Variants in MCPH1 observed in about 807,000 individuals in gnomAD.
The protein encoded by MCPH1 is microcephalin 1.
In MCPH1, 104 loss-of-function variants were observed where a neutral mutation model predicts 84.5. That is an observed-to-expected ratio of 1.23 (90% confidence interval 1.05 to 1.45). The LOEUF (loss-of-function observed/expected upper bound fraction) is 1.45. Among genes scored for constraint, MCPH1 ranks in the 40% most tolerant of loss-of-function variants. The probability of loss-of-function intolerance (pLI) is 0.00; values close to 1 mark genes in which losing one functional copy is unlikely to be tolerated. For synonymous variants in MCPH1, 514 were observed against 366.8 expected, an observed-to-expected ratio of 1.40 and a Z score of -4.58; for missense variants, 1,498 against 1,005.7, an observed-to-expected ratio of 1.49 and a Z score of -6.62.
At chr8:6,632,955 T>C (rs1489378410) in intron 13 of MCPH1, among the ~76,000 whole-genome samples, 2 of 152,220 alleles carry the variant, frequency 1.3e-5, no homozygotes, top group African/African-American at 2.4e-5. Flanking sequence ...GTCTTCTTTT[T>C]TCTAATCCAT....
chr8:6,505,205 T>C (rs1476396897), intron 12 of MCPH1, among the ~76,000 whole-genome samples: 1 of 110,698 alleles, frequency 9.0e-6, no homozygotes, highest in African/African-American at 3.7e-5. Context: ...TATGTATATA[T>C]AGAATATATA....
intron 12 of MCPH1, among the ~76,000 whole-genome samples, chr8:6,548,167 C>T (rs1318970842): frequency 6.6e-6 from 1 of 152,164 alleles, no homozygotes; most frequent in African/African-American, 2.4e-5. Context: ...TCTTGGCCTT[C>T]TCCTGGAGTG....
chr8:6,408,954 C>G (rs1041105911), intron 1 of MCPH1, among the ~76,000 whole-genome samples: 2 of 151,606 alleles, frequency 1.3e-5, no homozygotes, highest in African/African-American at 2.4e-5. Flanking sequence ...GGCGCAATCT[C>G]GGCTCACTGC....
chr8:6,445,835 A>G, intron 8 of MCPH1: 5 of 1,132,064 alleles, frequency 4.4e-6, no homozygotes, highest in Non-Finnish European at 5.4e-6. Context: ...TGAATAACTG[A>G]GGGGAGTGAA....
intron 12 of MCPH1, chr8:6,503,107 A>G (rs1049510866): frequency 3.1e-6 from 5 of 1,614,174 alleles, no homozygotes; most frequent in Admixed American, 1.7e-5. Context: ...ATGTTTAGAA[A>G]TCTGCTGGTC....
chr8:6,544,933 G>T (rs749318346), intron 12 of MCPH1, among the ~76,000 whole-genome samples: 6 of 152,180 alleles, frequency 3.9e-5, no homozygotes, highest in Non-Finnish European at 5.9e-5. Context: ...TTCTCACAAT[G>T]GAATTATTAT....
intron 12 of MCPH1, among the ~76,000 whole-genome samples, chr8:6,534,162 T>C (rs1156355763): frequency 6.6e-6 from 1 of 152,008 alleles, no homozygotes; most frequent in Non-Finnish European, 1.5e-5. Flanking sequence ...CCTCCATCTG[T>C]GGCCTCCACA....
At chr8:6,625,278 G>A in intron 13 of MCPH1, 4 of 985,376 alleles carry the variant, frequency 4.1e-6, no homozygotes, top group Non-Finnish European at 4.8e-6. Flanking sequence ...GAAACACAGA[G>A]AGCGCAAATG....
At chr8:6,540,286 G>A (rs887020687) in intron 12 of MCPH1, among the ~76,000 whole-genome samples, 6 of 152,186 alleles carry the variant, frequency 3.9e-5, no homozygotes, top group Non-Finnish European at 4.4e-5. Flanking sequence ...ATAAGGAAAT[G>A]TGCTTTTCCC....
intron 12 of MCPH1, among the ~76,000 whole-genome samples, chr8:6,593,888 A>T (rs558707513): frequency 6.6e-6 from 1 of 152,178 alleles, no homozygotes; most frequent in East Asian, 1.9e-4. Context: ...CTTCCTTCTT[A>T]TGCAAAAGTG....
intron 12 of MCPH1, among the ~76,000 whole-genome samples, chr8:6,584,078 C>A (rs970304526): frequency 1.3e-5 from 2 of 152,160 alleles, no homozygotes; most frequent in African/African-American, 4.8e-5. Context: ...CCTTCATCAT[C>A]TTCCAACATT....
At chr8:6,509,199 A>G (rs1372830388) in intron 12 of MCPH1, 1 of 1,153,782 alleles carries the variant, frequency 8.7e-7, no homozygotes, top group African/African-American at 1.6e-5. Flanking sequence ...TACTCTGGAC[A>G]AAATATTTTG....
At chr8:6,539,011 C>G (rs971052270) in intron 12 of MCPH1, among the ~76,000 whole-genome samples, 4 of 144,460 alleles carry the variant, frequency 2.8e-5, no homozygotes, top group East Asian at 2.0e-4. Flanking sequence ...TCTCCTCCCC[C>G]TCCTTTTAGA....
intron 7 of MCPH1, 128 bp from the exon 8 acceptor site, chr8:6,444,265 C>G: frequency 3.8e-6 from 4 of 1,065,204 alleles, no homozygotes; most frequent in South Asian, 1.5e-5. Context: ...GAGAAGAACT[C>G]AAGTGTGGTT....
At chr8:6,521,267 G>C (rs1817282306) in intron 12 of MCPH1, 1 of 1,613,774 alleles carries the variant, frequency 6.2e-7, no homozygotes, top group Non-Finnish European at 8.5e-7. Flanking sequence ...ATTCACCGTG[G>C]CAGTCACTAT....
Position 6,477,622 on chromosome 8 carries a change from T to G in MCPH1, c.1964T>G (p.Met655Arg). ...ACAAGAACATTAGTCATGACAAGCA[T>G]GCCATCTGAGTAAGTACTTGTTTTG... is the stretch of plus-strand genomic sequence containing the variant. ...KPTRTLVMTS[M>R]PSEKQNVVIQ... is the part of the protein sequence containing the mutation. Residue 655 changes from methionine to arginine, a missense_variant, in exon 10 of 14, where the codon ATG becomes AGG. Physicochemically the swap from Met to Arg is moderately conservative, Grantham distance 91. Coordinates refer to ENST00000344683, the MANE Select transcript of MCPH1 (RefSeq NM_024596.5). 1 of 1,612,954 alleles carries G rather than the reference T, an allele frequency of 6.2e-7. No individual in the cohort carries two copies. The highest frequency in any genetic ancestry group is 8.5e-7 in the Non-Finnish European group (1 of 1,179,192).
intron 11 of MCPH1, among the ~76,000 whole-genome samples, chr8:6,496,239 C>T (rs780894141): frequency 6.6e-6 from 1 of 152,142 alleles, no homozygotes; most frequent in Non-Finnish European, 1.5e-5. Context: ...AGCATGCAAC[C>T]TAGATCCCTC....
chr8:6,467,805 C>G (rs909097356), intron 9 of MCPH1, among the ~76,000 whole-genome samples: 4 of 152,076 alleles, frequency 2.6e-5, no homozygotes, highest in African/African-American at 4.8e-5. Flanking sequence ...GCTGTGTTGA[C>G]CAGGCTGGTC....
At chr8:6,487,352 A>C (rs1333071004) in intron 11 of MCPH1, among the ~76,000 whole-genome samples, 2 of 152,234 alleles carry the variant, frequency 1.3e-5, no homozygotes, top group Non-Finnish European at 2.9e-5. Context: ...GCATAGAATC[A>C]ATGAACTGTT....
Sources: allele counts gnomAD v4.1 joint callset (sites outside exome capture counted in the v4.1 genomes callset), GRCh38; gene constraint gnomAD v4.1.1; transcripts MANE v1.5; gene names NCBI Gene and HGNC (gene_info 2026-07-23, HGNC 2026-07-21).